The following HHAT variants were observed in gnomAD, a reference collection of about 807,000 sequenced individuals.
HHAT encodes the protein protein-cysteine N-palmitoyltransferase HHAT.
A neutral mutation model predicts 70.8 loss-of-function variants in HHAT; 47 were observed. The ratio of observed to expected loss-of-function variants is 0.66; its 90% CI spans 0.53 to 0.85. The LOEUF is 0.85. Ranked by LOEUF, HHAT falls within the 40% of genes least tolerant of loss-of-function variation. The probability of loss-of-function intolerance (pLI) is 0.00; values close to 1 mark genes in which losing one functional copy is unlikely to be tolerated. For synonymous variants in HHAT, 228 were observed against 247.6 expected, an observed-to-expected ratio of 0.92 and a Z score of 0.74; for missense variants, 609 against 604.8, an observed-to-expected ratio of 1.01 and a Z score of -0.07.
At chr1:210,588,364 C>A in intron 10 of HHAT, 1 of 370,954 alleles carries the variant, frequency 2.7e-6, no homozygotes, top group East Asian at 4.7e-5. Flanking sequence ...AGAAAATAAC[C>A]TCTCAACAGA....
In HHAT at chr1:210,425,081, G is replaced by A. The variant is rs777734214; in HGVS notation, c.856+6756G>A. Among the ~76,000 whole-genome samples, 28 of 152,114 alleles carry A rather than the reference G, an allele frequency of 1.8e-4. 1 individual carries two copies. The highest frequency in any genetic ancestry group is 3.8e-4 in the Non-Finnish European group (26 of 68,022). ...TAGGATCTCATTGTGGTTTTGATTTGCATTTCTCTAATGAGCAGTGATGCT... is the reference window on the plus strand; with the variant it reads ...TAGGATCTCATTGTGGTTTTGATTTACATTTCTCTAATGAGCAGTGATGCT... On this transcript the variant is annotated intron_variant, in intron 7 of 11. Coordinates refer to ENST00000261458, the MANE Select transcript of HHAT (RefSeq NM_018194.6).
At chr1:210,579,778 A>C (rs1658786089) in intron 9 of HHAT, among the ~76,000 whole-genome samples, 1 of 152,140 alleles carries the variant, frequency 6.6e-6, no homozygotes, top group South Asian at 2.1e-4. Flanking sequence ...TCTAGCGGCA[A>C]ATGTGCTTGG....
At chr1:210,457,957 C>CT (rs1453791341) in intron 7 of HHAT, among the ~76,000 whole-genome samples, 1 of 152,130 alleles carries the variant, frequency 6.6e-6, no homozygotes, top group Admixed American at 6.5e-5. Flanking sequence ...ACAAAAAGAC[C>CT]TGTAAGGTAA....
intron 2 of HHAT, among the ~76,000 whole-genome samples, chr1:210,357,342 T>G (rs1459781062): frequency 6.6e-6 from 1 of 152,160 alleles, no homozygotes; most frequent in Non-Finnish European, 1.5e-5. Context: ...GTCATAAAAC[T>G]CTCATGTGAG....
chr1:210,615,923 CTCAAGCTGCG>C, intron 10 of HHAT, among the ~76,000 whole-genome samples: 1 of 152,326 alleles, frequency 6.6e-6, no homozygotes, highest in Admixed American at 6.5e-5. Context: ...GTTCTCAGAT[CTCAAGCTGCG>C]TGCTGGGAGA....
intron 11 of HHAT, among the ~76,000 whole-genome samples, chr1:210,673,758 ATTTATTAT>A (rs1680583735): frequency 1.8e-5 from 1 of 55,280 alleles, no homozygotes; most frequent in African/African-American, 3.7e-5. Context: ...TGCCTGGCTT[ATTTATTAT>A]TTATTTATTT....
intron 8 of HHAT, among the ~76,000 whole-genome samples, chr1:210,505,233 C>T (rs1356446963): frequency 1.3e-5 from 2 of 152,042 alleles, no homozygotes; most frequent in African/African-American, 4.8e-5. Flanking sequence ...CAGGTTGAGA[C>T]GTAGGTTAAC....
intron 7 of HHAT, among the ~76,000 whole-genome samples, chr1:210,424,247 A>C (rs1421151915): frequency 6.6e-6 from 1 of 152,054 alleles, no homozygotes; most frequent in Non-Finnish European, 1.5e-5. Flanking sequence ...TTTCCTTGTG[A>C]AGGTCTTCAC....
chr1:210,368,422 G>T (rs2089227251), intron 3 of HHAT, among the ~76,000 whole-genome samples: 1 of 152,258 alleles, frequency 6.6e-6, no homozygotes, highest in South Asian at 2.1e-4. Flanking sequence ...CTCCTGAGTA[G>T]CTGGGGTTGC....
intron 10 of HHAT, among the ~76,000 whole-genome samples, chr1:210,597,615 C>T (rs1663296021): frequency 1.3e-5 from 2 of 152,152 alleles, no homozygotes; most frequent in Admixed American, 1.3e-4. Context: ...CTACCACCAC[C>T]CCAGGCTTGT....
intron 11 of HHAT, among the ~76,000 whole-genome samples, chr1:210,642,262 T>C (rs927849607): frequency 6.6e-6 from 1 of 152,262 alleles, no homozygotes; most frequent in African/African-American, 2.4e-5. Context: ...CTGTACAGTA[T>C]TTCGTTGTGT....
chr1:210,515,868 G>C (rs1451215157), intron 9 of HHAT, among the ~76,000 whole-genome samples: 11 of 151,528 alleles, frequency 7.3e-5, no homozygotes, highest in Non-Finnish European at 1.6e-4. Flanking sequence ...AGGAATTCAA[G>C]GCCAGCCTGG....
chr1:210,459,121 A>G (rs2093928244), intron 7 of HHAT, among the ~76,000 whole-genome samples: 1 of 152,294 alleles, frequency 6.6e-6, no homozygotes, highest in Non-Finnish European at 1.5e-5. Context: ...TTAACTACAC[A>G]TTTAGTAACT....
chr1:210,626,596 G>A (rs1041453125), intron 11 of HHAT, among the ~76,000 whole-genome samples: 1 of 152,142 alleles, frequency 6.6e-6, no homozygotes, highest in African/African-American at 2.4e-5. Context: ...CTTGCTGTGG[G>A]TTTTTGTCCC....
At chr1:210,598,188 A>G (rs1663439427) in intron 10 of HHAT, among the ~76,000 whole-genome samples, 1 of 151,850 alleles carries the variant, frequency 6.6e-6, no homozygotes, top group Admixed American at 6.6e-5. Flanking sequence ...GTGGCTGAGC[A>G]CGTATCCAAA....
intron 9 of HHAT, among the ~76,000 whole-genome samples, chr1:210,513,508 C>A (rs2094997773): frequency 1.3e-5 from 2 of 152,200 alleles, no homozygotes; most frequent in African/African-American, 2.4e-5. Context: ...CGTTAAACAA[C>A]CCCCTTAACC....
chr1:210,415,864 G>T (rs891205907), intron 6 of HHAT, among the ~76,000 whole-genome samples: 1 of 151,928 alleles, frequency 6.6e-6, no homozygotes, highest in East Asian at 1.9e-4. Flanking sequence ...TCACCATGTC[G>T]GCCAGGCTGG....
chr1:210,363,936 G>C (rs1019344447), intron 3 of HHAT, among the ~76,000 whole-genome samples: 13 of 152,258 alleles, frequency 8.5e-5, no homozygotes, highest in Admixed American at 3.3e-4. Flanking sequence ...GTTGGGTACT[G>C]CCTGTACTAA....
intron 6 of HHAT, among the ~76,000 whole-genome samples, chr1:210,415,659 AT>A (rs2092698461): frequency 6.7e-6 from 1 of 149,406 alleles, no homozygotes; most frequent in Admixed American, 6.7e-5. Context: ...TGTTGTACCA[AT>A]TTTTTCCTTT....
Sources: gnomAD v4.1 joint callset for allele counts (sites outside exome capture counted in the v4.1 genomes callset) on GRCh38, gnomAD v4.1.1 for gene constraint, MANE v1.5 for transcripts, NCBI Gene and HGNC (gene_info 2026-07-23, HGNC 2026-07-21) for gene names.